Variants in JARID2 observed in about 807,000 individuals in gnomAD.
JARID2 encodes jumonji and AT-rich interaction domain containing 2.
Under a neutral mutation model 125.6 loss-of-function variants are expected in JARID2, and 21 were observed. The observed-to-expected ratio is 0.17, with a 90% CI of 0.12 to 0.24. The LOEUF (loss-of-function observed/expected upper bound fraction) is 0.24. Ranked by LOEUF, JARID2 falls within the 10% of genes least tolerant of loss-of-function variation. JARID2 has a pLI of 1.00. For synonymous variants in JARID2, 736 were observed against 661.6 expected (o/e 1.11, Z -1.73); for missense variants, 1,303 against 1,639.6 (o/e 0.79, Z 3.55).
chr6:15,281,420 A>G (rs539896925), intron 1 of JARID2, among the ~76,000 whole-genome samples: 2 of 152,370 alleles, frequency 1.3e-5, no homozygotes, highest in South Asian at 4.1e-4. Flanking sequence ...GATCAGTTTC[A>G]GAAATGTTCA....
chr6:15,513,480 G>A (rs1011288488), intron 16 of JARID2, 58 bp downstream of exon 16: 73 of 1,496,838 alleles, frequency 4.9e-5, no homozygotes, highest in Middle Eastern at 1.8e-4. Context: ...TGAGAGCTCC[G>A]GGGTTGCCCC....
intron 5 of JARID2, among the ~76,000 whole-genome samples, chr6:15,471,398 T>A (rs1355341494): frequency 6.6e-6 from 1 of 152,210 alleles, no homozygotes; most frequent in Non-Finnish European, 1.5e-5. Context: ...TAATAGAGAT[T>A]GAAGAGTGAA....
At chr6:15,514,562 G>A (rs1327322338) in intron 16 of JARID2, among the ~76,000 whole-genome samples, 3 of 152,144 alleles carry the variant, frequency 2.0e-5, no homozygotes, top group Non-Finnish European at 4.4e-5. Flanking sequence ...GTGTCATGCC[G>A]TCTCACCCCG....
chr6:15,332,846 G>A (rs898442030), intron 1 of JARID2, among the ~76,000 whole-genome samples: 48 of 150,172 alleles, frequency 3.2e-4, no homozygotes, highest in African/African-American at 1.0e-3. Context: ...GGTTCTTCCC[G>A]TATTCTTCTG....
intron 1 of JARID2, among the ~76,000 whole-genome samples, chr6:15,297,450 A>G (rs960891499): frequency 6.7e-6 from 1 of 150,316 alleles, no homozygotes; most frequent in Non-Finnish European, 1.5e-5. Context: ...GTGTTTTTAT[A>G]AGTCAGGGTC....
At chr6:15,319,872 A>G (rs1490855256) in intron 1 of JARID2, among the ~76,000 whole-genome samples, 1 of 152,252 alleles carries the variant, frequency 6.6e-6, no homozygotes, top group Non-Finnish European at 1.5e-5. Context: ...TGATGCAGTC[A>G]TCAAGGCTTC....
intron 1 of JARID2, among the ~76,000 whole-genome samples, chr6:15,270,940 CAA>C (rs796496821): frequency 2.1e-5 from 3 of 141,004 alleles, no homozygotes. Context: ...GGCTCCCTCT[CAA>C]AAAAAAAAAG....
chr6:15,515,959 C>T (rs1217213701), intron 16 of JARID2, among the ~76,000 whole-genome samples: 5 of 148,516 alleles, frequency 3.4e-5, no homozygotes, highest in Non-Finnish European at 7.4e-5. Context: ...GCCGAGATCG[C>T]GCCATCGCCC....
intron 5 of JARID2, among the ~76,000 whole-genome samples, chr6:15,482,907 G>A (rs1352302475): frequency 6.6e-6 from 1 of 152,066 alleles, no homozygotes; most frequent in Non-Finnish European, 1.5e-5. Flanking sequence ...TAATGGTTCA[G>A]TGAGTTCTTG....
At chr6:15,507,770 G>A (rs1771079917) in intron 11 of JARID2, among the ~76,000 whole-genome samples, 1 of 152,182 alleles carries the variant, frequency 6.6e-6, no homozygotes, top group Non-Finnish European at 1.5e-5. Context: ...GCTCGTAAGG[G>A]ACGGATGGAT....
intron 4 of JARID2, 156 bp downstream of exon 4, chr6:15,452,331 G>C (rs1767955081): frequency 1.4e-6 from 1 of 709,460 alleles, no homozygotes; most frequent in Non-Finnish European, 1.7e-6. Context: ...CCCACCGAGA[G>C]AGTGTGTGCT....
At chr6:15,314,490 A>T (rs945426214) in intron 1 of JARID2, among the ~76,000 whole-genome samples, 3 of 152,272 alleles carry the variant, frequency 2.0e-5, no homozygotes, top group African/African-American at 7.2e-5. Flanking sequence ...AGTTGCTGTC[A>T]TTCAAATTAT....
At chr6:15,389,032 GCTT>G (rs1764901740) in intron 2 of JARID2, among the ~76,000 whole-genome samples, 1 of 152,172 alleles carries the variant, frequency 6.6e-6, no homozygotes, top group South Asian at 2.1e-4. Context: ...TCCCAGGCTA[GCTT>G]CTGGTGGTCT....
intron 3 of JARID2, among the ~76,000 whole-genome samples, chr6:15,450,397 T>TGAC (rs1249397362): frequency 6.6e-6 from 1 of 152,200 alleles, no homozygotes; most frequent in Non-Finnish European, 1.5e-5. Context: ...CTGGAACTCC[T>TGAC]GACCTCAGAT....
chr6:15,354,382 A>T (rs10949294), intron 1 of JARID2, among the ~76,000 whole-genome samples: 16,633 of 152,248 alleles, frequency 0.11, 1,488 homozygotes, highest in African/African-American at 0.25. Context: ...ATTTTGGACT[A>T]CTTACTTCCA....
chr6:15,351,603 C>G (rs1340219222), intron 1 of JARID2, among the ~76,000 whole-genome samples: 1 of 152,140 alleles, frequency 6.6e-6, no homozygotes, highest in East Asian at 1.9e-4. Context: ...TTATATCACA[C>G]AAGGCTACCG....
Position 15,306,118 on chromosome 6 carries a change from G to T in JARID2, c.45+59534G>T, listed in dbSNP as rs182684856. Among the ~76,000 whole-genome samples, 95 of 152,188 alleles carry T rather than the reference G, an allele frequency of 6.2e-4. 1 individual carries two copies. The highest frequency in any genetic ancestry group is 5.6e-4 in the Non-Finnish European group (38 of 67,998). On this transcript the variant is annotated intron_variant, in intron 1 of 17. Coordinates refer to ENST00000341776, the MANE Select transcript of JARID2 (RefSeq NM_004973.4). ...TTACAGTTTTCCCGGGTTTCTGTTG[G>T]CAAGTAACTTCAGCTTTTCGTACTT... is the stretch of plus-strand genomic sequence containing the variant.
At chr6:15,282,246 G>A (rs1233597333) in intron 1 of JARID2, among the ~76,000 whole-genome samples, 1 of 151,888 alleles carries the variant, frequency 6.6e-6, no homozygotes, top group African/African-American at 2.4e-5. Flanking sequence ...CCTGTCATGT[G>A]CTGTTTTAGA....
At chr6:15,352,634 T>C (rs1763468828) in intron 1 of JARID2, among the ~76,000 whole-genome samples, 1 of 152,168 alleles carries the variant, frequency 6.6e-6, no homozygotes, top group African/African-American at 2.4e-5. Flanking sequence ...AACATGAAGT[T>C]GTCTGAGTGT....
Sources: gnomAD v4.1 joint callset for allele counts (sites outside exome capture counted in the v4.1 genomes callset) on GRCh38, gnomAD v4.1.1 for gene constraint, MANE v1.5 for transcripts, NCBI Gene and HGNC (gene_info 2026-07-23, HGNC 2026-07-21) for gene names.